Variants in TRIO observed in about 807,000 individuals in gnomAD.
The protein encoded by TRIO is trio Rho guanine nucleotide exchange factor.
Under a neutral mutation model 351.9 loss-of-function variants are expected in TRIO, and 58 were observed. The ratio of observed to expected loss-of-function variants is 0.16; its 90% CI spans 0.13 to 0.21. The LOEUF (loss-of-function observed/expected upper bound fraction) is 0.21. Among genes scored for constraint, TRIO ranks in the 10% least tolerant of loss-of-function variants. The pLI is 1.00. For synonymous variants in TRIO, 1,758 were observed against 1,595.7 expected (o/e 1.10, Z -2.42); for missense variants, 3,201 against 4,027.8 (o/e 0.79, Z 5.56).
chr5:14,480,518 C>T (rs1288202261), intron 43 of TRIO, among the ~76,000 whole-genome samples: 3 of 152,154 alleles, frequency 2.0e-5, no homozygotes, highest in Non-Finnish European at 4.4e-5. Context: ...CTTTTGTATT[C>T]CTCTCTGTTG....
chr5:14,375,099 C>T (rs536477016), intron 19 of TRIO, among the ~76,000 whole-genome samples: 3 of 152,340 alleles, frequency 2.0e-5, no homozygotes, highest in South Asian at 2.1e-4. Flanking sequence ...ACTGTCTGCT[C>T]ATCTGATTCA....
At chr5:14,307,262 A>G (rs560519475) in intron 8 of TRIO, among the ~76,000 whole-genome samples, 3 of 152,234 alleles carry the variant, frequency 2.0e-5, no homozygotes, top group South Asian at 2.1e-4. Context: ...CAACATGACC[A>G]TCATCTCCAC....
chr5:14,447,886 C>T (rs573062555), intron 34 of TRIO, among the ~76,000 whole-genome samples: 3 of 152,302 alleles, frequency 2.0e-5, no homozygotes, highest in East Asian at 3.9e-4. Context: ...CTCAGATGGA[C>T]AGAAGGGTGT....
intron 1 of TRIO, among the ~76,000 whole-genome samples, chr5:14,213,004 T>C (rs1366489737): frequency 6.6e-6 from 1 of 152,136 alleles, no homozygotes; most frequent in Non-Finnish European, 1.5e-5. Context: ...CCAAGAAGAG[T>C]TCAGTTGCTG....
chr5:14,478,900 T>C (rs1048297584), intron 41 of TRIO, among the ~76,000 whole-genome samples: 6 of 152,084 alleles, frequency 3.9e-5, no homozygotes, highest in African/African-American at 1.4e-4. Flanking sequence ...GTTTAAGGCT[T>C]CCGTGAGCCA....
intron 40 of TRIO, among the ~76,000 whole-genome samples, chr5:14,475,671 T>C (rs924322515): frequency 6.6e-6 from 1 of 152,254 alleles, no homozygotes; most frequent in Non-Finnish European, 1.5e-5. Flanking sequence ...GTAGACTTAC[T>C]GAACAACTAC....
At chr5:14,494,156 A>T (rs1465180813) in intron 49 of TRIO, among the ~76,000 whole-genome samples, 1 of 152,222 alleles carries the variant, frequency 6.6e-6, no homozygotes, top group East Asian at 1.9e-4. Flanking sequence ...GTCCTTAAGA[A>T]CCATGCTAAT....
intron 12 of TRIO, among the ~76,000 whole-genome samples, chr5:14,358,687 G>A (rs190608794): frequency 9.2e-5 from 14 of 152,200 alleles, no homozygotes; most frequent in East Asian, 5.8e-4. Flanking sequence ...CAAGGATTGC[G>A]CCCTCAGGCT....
At chr5:14,311,321 A>G (rs1306860276) in intron 8 of TRIO, among the ~76,000 whole-genome samples, 1 of 152,252 alleles carries the variant, frequency 6.6e-6, no homozygotes, top group Non-Finnish European at 1.5e-5. Flanking sequence ...GAGTCAAACC[A>G]AGGTAAACTG....
intron 1 of TRIO, among the ~76,000 whole-genome samples, chr5:14,149,129 G>A (rs1032723728): frequency 3.9e-5 from 6 of 152,130 alleles, no homozygotes; most frequent in Non-Finnish European, 5.9e-5. Flanking sequence ...AGAGGCTTGC[G>A]GGGCCCTGCA....
At chr5:14,397,266 T>A in intron 29 of TRIO, 112 bp downstream of exon 29, 2 of 769,062 alleles carry the variant, frequency 2.6e-6, no homozygotes, top group South Asian at 3.8e-5. Flanking sequence ...ATGTTAGTGG[T>A]TAAGAACATT....
At chr5:14,313,668 C>T (rs1011211837) in intron 8 of TRIO, among the ~76,000 whole-genome samples, 4 of 152,194 alleles carry the variant, frequency 2.6e-5, no homozygotes, top group Non-Finnish European at 5.9e-5. Flanking sequence ...ATCCTTCTGT[C>T]TTTCTGTGTT....
chr5:14,225,923 T>C (rs565895466), intron 1 of TRIO, among the ~76,000 whole-genome samples: 48 of 151,684 alleles, frequency 3.2e-4, no homozygotes, highest in African/African-American at 1.0e-3. Context: ...AACTAATGAA[T>C]GAAAGCAAGG....
At chr5:14,235,784 T>C (rs1410030143) in intron 1 of TRIO, among the ~76,000 whole-genome samples, 2 of 152,084 alleles carry the variant, frequency 1.3e-5, no homozygotes, top group East Asian at 3.9e-4. Flanking sequence ...ATATAGGCTT[T>C]TTGTGGTTTC....
In TRIO at chr5:14,471,370, G is replaced by C. The variant is rs528546190; in HGVS notation, c.5816G>C (p.Ser1939Thr). Residue 1939 changes from serine to threonine, a missense_variant, in exon 38 of 57, where the codon AGC becomes ACC. Ser to Thr is a moderately conservative substitution (Grantham distance 58). Coordinates refer to ENST00000344204, the MANE Select transcript of TRIO (RefSeq NM_007118.4). ...CTTGTTGACCAGGGAGATAGTAGCA[G>C]CCCTTCCTTCAACCCTTCGGATAAT... ...SLLVDQGDSS[S>T]PSFNPSDNSL... 3 of 1,614,106 alleles carry C rather than the reference G, an allele frequency of 1.9e-6. No homozygotes were observed. The highest frequency in any genetic ancestry group is 2.5e-6 in the Non-Finnish European group (3 of 1,180,002).
chr5:14,500,772 C>T (rs988060612), intron 53 of TRIO, among the ~76,000 whole-genome samples: 3 of 151,556 alleles, frequency 2.0e-5, no homozygotes, highest in Non-Finnish European at 2.9e-5. Flanking sequence ...CGTGTGGTCC[C>T]AACTACTCTG....
At chr5:14,419,718 A>G in intron 33 of TRIO, 60 bp from the exon 34 acceptor site, 1 of 1,589,864 alleles carries the variant, frequency 6.3e-7, no homozygotes. Context: ...TCCCAGCTGT[A>G]CCTGAAGGCA....
At chr5:14,152,360 T>TTTGTTTG (rs1561139536) in intron 1 of TRIO, among the ~76,000 whole-genome samples, 1 of 151,056 alleles carries the variant, frequency 6.6e-6, no homozygotes, top group Non-Finnish European at 1.5e-5. Context: ...ATTTCAGTTT[T>TTTGTTTG]TTTGTTTGTT....
intron 34 of TRIO, among the ~76,000 whole-genome samples, chr5:14,422,105 G>A (rs958267732): frequency 1.3e-5 from 2 of 152,176 alleles, no homozygotes; most frequent in East Asian, 3.8e-4. Flanking sequence ...GAGCTGTTCA[G>A]GCTTGAAGGA....
Sources: gnomAD v4.1 joint callset for allele counts (sites outside exome capture counted in the v4.1 genomes callset) on GRCh38, gnomAD v4.1.1 for gene constraint, MANE v1.5 for transcripts, NCBI Gene and HGNC (gene_info 2026-07-23, HGNC 2026-07-21) for gene names.